Variants in AFDN observed in about 807,000 individuals in gnomAD.
AFDN encodes the protein afadin, adherens junction formation factor, also known as afadin.
Under a neutral mutation model 216.6 loss-of-function variants are expected in AFDN, and 68 were observed. That is an observed-to-expected ratio of 0.31 (90% CI 0.26 to 0.38). The LOEUF is 0.38. Among genes scored for constraint, AFDN ranks in the 10% least tolerant of loss-of-function variants. AFDN has a pLI of 1.00. For synonymous variants in AFDN, 868 were observed against 853.7 expected (o/e 1.02, Z -0.29); for missense variants, 2,136 against 2,342.0 (o/e 0.91, Z 1.82).
At chr6:167,898,569 A>G in intron 11 of AFDN, 102 bp downstream of exon 11, 1 of 1,280,542 alleles carries the variant, frequency 7.8e-7, no homozygotes, top group Non-Finnish European at 1.0e-6. Context: ...TCAATTTTTA[A>G]AAAAATATCA....
chr6:167,955,043 C>A (rs117566099), intron 30 of AFDN, among the ~76,000 whole-genome samples: 93 of 152,296 alleles, frequency 6.1e-4, no homozygotes, highest in Admixed American at 1.1e-3. Flanking sequence ...ACTTGAGGTT[C>A]ATGGTCTGTT....
At chr6:167,919,030 A>G in intron 21 of AFDN, 97 bp downstream of exon 21, 1 of 1,039,454 alleles carries the variant, frequency 9.6e-7, no homozygotes, top group South Asian at 1.4e-5. Flanking sequence ...CTTGTGTGGG[A>G]GTGCACCCTC....
chr6:167,873,633 G>A (rs915619818), intron 4 of AFDN, among the ~76,000 whole-genome samples: 6 of 152,162 alleles, frequency 3.9e-5, no homozygotes, highest in Non-Finnish European at 5.9e-5. Context: ...AGACAGCCCC[G>A]TACTGTCATG....
chr6:167,861,389 A>G (rs1282189157), intron 1 of AFDN, among the ~76,000 whole-genome samples: 2 of 152,204 alleles, frequency 1.3e-5, no homozygotes. Context: ...AACCTGGAAC[A>G]TTGTTTCCAG....
chr6:167,864,304 A>G (rs111071243), intron 1 of AFDN: 2 of 701,554 alleles, frequency 2.9e-6, no homozygotes, highest in South Asian at 2.7e-5. Context: ...GCTGTTGATA[A>G]CATCATCTAT....
At chr6:167,835,471 G>T (rs1410528038) in intron 1 of AFDN, among the ~76,000 whole-genome samples, 1 of 152,032 alleles carries the variant, frequency 6.6e-6, no homozygotes, top group Non-Finnish European at 1.5e-5. Flanking sequence ...GTCAAGCTGT[G>T]GTATGCAGAA....
Position 167,928,198 on chromosome 6 carries a change from G to A in AFDN, c.3099+3107G>A, listed in dbSNP as rs751134203. On this transcript the variant is annotated intron_variant, in intron 23 of 33. Coordinates refer to ENST00000683244, the MANE Select transcript of AFDN (RefSeq NM_001386888.1). ...TGGTATTCTCTTTCGCATGATTTCCGGATGTATAAAGGAACCAGCATTACC... is the reference window on the plus strand; with the variant it reads ...TGGTATTCTCTTTCGCATGATTTCCAGATGTATAAAGGAACCAGCATTACC... 5.3e-5 allele frequency among the ~76,000 whole-genome samples: 8 copies of A among 152,210 alleles called. No homozygotes were observed. In the East Asian group the frequency reaches 5.8e-4, roughly 11 times the overall value.
At chr6:167,935,979 T>C (rs1241073298) in intron 23 of AFDN, among the ~76,000 whole-genome samples, 1 of 152,158 alleles carries the variant, frequency 6.6e-6, no homozygotes, top group African/African-American at 2.4e-5. Context: ...ATGAGCTACA[T>C]GGGGAATTTT....
intron 1 of AFDN, among the ~76,000 whole-genome samples, chr6:167,853,695 T>A (rs781445601): frequency 7.9e-5 from 12 of 152,120 alleles, no homozygotes; most frequent in Non-Finnish European, 1.8e-4. Context: ...ACAGGTTGTG[T>A]GTTTGTGTCC....
At position 167,918,863 on chromosome 6, in the gene AFDN, T is replaced by G. The variant is rs1351764366; in HGVS notation, c.2838T>G (p.Gly946=). 1 of 1,613,718 alleles carries G rather than the reference T, an allele frequency of 6.2e-7. No homozygotes were observed. The highest frequency in any genetic ancestry group is 1.7e-5 in the Admixed American group (1 of 59,954). ...LQLPFLLPED[G]YSCDVVRNIP... is the part of the protein sequence containing the mutation. ...TGCCGTTTCTTTTGCCAGAAGATGG[T>G]TATTCTTGTGATGTTGTCAGAAACA... is the stretch of plus-strand genomic sequence containing the variant. Residue 946 remains glycine, a synonymous_variant, in exon 21 of 34, where the codon GGT becomes GGG. Coordinates refer to ENST00000683244, the MANE Select transcript of AFDN (RefSeq NM_001386888.1).
intron 30 of AFDN, among the ~76,000 whole-genome samples, chr6:167,957,046 A>AGCCTGCCT (rs1002072300): frequency 4.6e-5 from 7 of 151,940 alleles, no homozygotes; most frequent in African/African-American, 7.3e-5. Flanking sequence ...CTGGCCCTCC[A>AGCCTGCCT]GCCTGCCTGC....
At chr6:167,938,797 T>C (rs781684796) in intron 23 of AFDN, among the ~76,000 whole-genome samples, 19 of 152,100 alleles carry the variant, frequency 1.2e-4, no homozygotes, top group Middle Eastern at 6.8e-3. Context: ...ATGAAGGAGT[T>C]GAAACATGGA....
intron 13 of AFDN, among the ~76,000 whole-genome samples, chr6:167,907,811 G>T (rs1357160160): frequency 6.6e-6 from 1 of 151,442 alleles, no homozygotes; most frequent in Non-Finnish European, 1.5e-5. Context: ...TGTTCTTGCC[G>T]ATTTCTCTGG....
chr6:167,886,383 G>A (rs1377538896), intron 6 of AFDN, among the ~76,000 whole-genome samples: 3 of 152,178 alleles, frequency 2.0e-5, no homozygotes. Flanking sequence ...ATGAACTAGA[G>A]TTCTGCCATA....
intron 1 of AFDN, among the ~76,000 whole-genome samples, chr6:167,833,306 A>C (rs1186242535): frequency 6.6e-6 from 1 of 152,156 alleles, no homozygotes; most frequent in Non-Finnish European, 1.5e-5. Flanking sequence ...TGCCTCCTAA[A>C]ACTCCACCTG....
At chr6:167,923,031 T>A in intron 22 of AFDN, 72 bp downstream of exon 22, 1 of 1,050,884 alleles carries the variant, frequency 9.5e-7, no homozygotes, top group Non-Finnish European at 1.4e-6. Flanking sequence ...GATTTGTTTC[T>A]TTCTTACACT....
chr6:167,875,558 A>G (rs1785261083), intron 5 of AFDN, 63 bp downstream of exon 5: 1 of 1,539,926 alleles, frequency 6.5e-7, no homozygotes, highest in African/African-American at 1.4e-5. Context: ...ATTACACTGT[A>G]CGTGCGTGAG....
chr6:167,963,882 G>A (rs1797276012), intron 31 of AFDN: 2 of 1,064,530 alleles, frequency 1.9e-6, no homozygotes, highest in Non-Finnish European at 2.3e-6. Flanking sequence ...GCTGTTCCAT[G>A]AAAGCGCTCC....
chr6:167,885,075 CT>C (rs1256720747), intron 6 of AFDN, among the ~76,000 whole-genome samples: 4 of 152,208 alleles, frequency 2.6e-5, no homozygotes, highest in Non-Finnish European at 5.9e-5. Flanking sequence ...TAGCTTCAGA[CT>C]TTTCTTCTGC....
Sources: gnomAD v4.1 joint callset for allele counts (sites outside exome capture counted in the v4.1 genomes callset) on GRCh38, gnomAD v4.1.1 for gene constraint, MANE v1.5 for transcripts, NCBI Gene and HGNC (gene_info 2026-07-23, HGNC 2026-07-21) for gene names.